The following NKAIN2 variants were observed in gnomAD, a reference collection of about 807,000 sequenced individuals.
The protein encoded by NKAIN2 is sodium/potassium transporting ATPase interacting 2.
A neutral mutation model predicts 32.6 loss-of-function variants in NKAIN2; 14 were observed. That is an observed-to-expected ratio of 0.43 (90% confidence interval 0.28 to 0.67). The LOEUF (loss-of-function observed/expected upper bound fraction) is 0.67, where lower values mean the gene tolerates loss of function less well. Ranked by LOEUF, NKAIN2 falls within the 30% of genes least tolerant of loss-of-function variation. The probability of loss-of-function intolerance (pLI) is 0.17; values close to 1 mark genes in which losing one functional copy is unlikely to be tolerated. For synonymous variants in NKAIN2, 80 were observed against 87.2 expected (o/e 0.92, Z 0.46); for missense variants, 198 against 258.3 (o/e 0.77, Z 1.60).
At position 124,271,071 on chromosome 6, in the gene NKAIN2, T is replaced by G. The variant is rs553358431; in HGVS notation, c.55-11934T>G. Among the ~76,000 whole-genome samples, 17 of 152,292 alleles carry G rather than the reference T, an allele frequency of 1.1e-4. 1 individual carries two copies. Among genetic ancestry groups the G allele is most frequent in the South Asian group, 1.0e-3 (5 of 4,826 alleles). ...GATAGTGAGTGAGTTTTCACAGATC[T>G]GATGGATTTATAAGTGGCAGTTTTT... On this transcript the variant is annotated intron_variant, in intron 1 of 6. Coordinates refer to ENST00000368417, the MANE Select transcript of NKAIN2 (RefSeq NM_001040214.3).
intron 1 of NKAIN2, among the ~76,000 whole-genome samples, chr6:124,257,800 C>T (rs2753133): frequency 0.36 from 50,539 of 140,836 alleles, 11,082 homozygotes; most frequent in African/African-American, 0.62. Context: ...TTTTTTGAGA[C>T]GGGGTTTCAC....
intron 1 of NKAIN2, among the ~76,000 whole-genome samples, chr6:123,883,658 T>A (rs201517540): frequency 4.0e-4 from 58 of 145,330 alleles, no homozygotes; most frequent in South Asian, 6.5e-4. Context: ...AAATTTTTTT[T>A]AAAATTTTAA....
chr6:124,466,512 G>T (rs931496689), intron 3 of NKAIN2, among the ~76,000 whole-genome samples: 4 of 151,948 alleles, frequency 2.6e-5, no homozygotes, highest in African/African-American at 9.7e-5. Flanking sequence ...ATGAAACTGG[G>T]ATCTCTATTA....
At chr6:124,205,355 T>G (rs1790812424) in intron 1 of NKAIN2, among the ~76,000 whole-genome samples, 1 of 87,086 alleles carries the variant, frequency 1.1e-5, no homozygotes, top group Admixed American at 1.2e-4. Flanking sequence ...TGCATTTTCT[T>G]AGGTGCTAAA....
chr6:124,508,167 A>G (rs1445699325), intron 3 of NKAIN2, among the ~76,000 whole-genome samples: 2 of 151,774 alleles, frequency 1.3e-5, no homozygotes, highest in East Asian at 3.9e-4. Context: ...TAAGGTGGGA[A>G]GATCACTTGA....
chr6:124,468,833 A>T (rs1406949394), intron 3 of NKAIN2, among the ~76,000 whole-genome samples: 1 of 152,180 alleles, frequency 6.6e-6, no homozygotes, highest in Non-Finnish European at 1.5e-5. Context: ...AACATTTTGA[A>T]CCAAACTCAA....
intron 1 of NKAIN2, among the ~76,000 whole-genome samples, chr6:124,034,626 G>A (rs1419485448): frequency 6.6e-6 from 1 of 152,022 alleles, no homozygotes; most frequent in Non-Finnish European, 1.5e-5. Context: ...TTTCCTTTGA[G>A]TAGATACCCA....
intron 3 of NKAIN2, among the ~76,000 whole-genome samples, chr6:124,389,212 T>A (rs1162380848): frequency 2.6e-5 from 4 of 152,072 alleles, no homozygotes; most frequent in African/African-American, 7.2e-5. Flanking sequence ...CACAACATTA[T>A]TGGAATGAGA....
chr6:124,301,214 G>A (rs1222076230), intron 2 of NKAIN2, among the ~76,000 whole-genome samples: 1 of 152,190 alleles, frequency 6.6e-6, no homozygotes, highest in Non-Finnish European at 1.5e-5. Flanking sequence ...GGCTTCAGAG[G>A]GTGCAAGCCC....
chr6:124,267,481 TA>T (rs71541244), intron 1 of NKAIN2, among the ~76,000 whole-genome samples: 3,543 of 97,714 alleles, frequency 0.036, 81 homozygotes, highest in South Asian at 0.089. Context: ...ACCATGTCTC[TA>T]AAAAAAAAAA....
chr6:124,791,175 T>C (rs1779727462), intron 4 of NKAIN2, among the ~76,000 whole-genome samples, 164 bp from the exon 5 acceptor site: 1 of 152,092 alleles, frequency 6.6e-6, no homozygotes, highest in Non-Finnish European at 1.5e-5. Context: ...TGAGCATCAT[T>C]TGAATGAGGA....
chr6:123,944,696 C>A (rs1447547397), intron 1 of NKAIN2, among the ~76,000 whole-genome samples: 4 of 151,994 alleles, frequency 2.6e-5, no homozygotes, highest in Non-Finnish European at 5.9e-5. Context: ...AGAAATATAT[C>A]TCTTGTTTAA....
intron 1 of NKAIN2, among the ~76,000 whole-genome samples, chr6:124,223,964 C>T (rs948165562): frequency 6.6e-6 from 1 of 152,074 alleles, no homozygotes; most frequent in Non-Finnish European, 1.5e-5. Flanking sequence ...GGTGCATGGA[C>T]AGGGTGTAGT....
intron 3 of NKAIN2, among the ~76,000 whole-genome samples, chr6:124,386,392 C>A (rs182240645): frequency 9.5e-4 from 145 of 152,278 alleles, no homozygotes; most frequent in African/African-American, 3.3e-3. Context: ...GACTGGTTCA[C>A]TGTTGCTTTG....
At chr6:124,015,427 A>G (rs967305435) in intron 1 of NKAIN2, among the ~76,000 whole-genome samples, 1 of 152,162 alleles carries the variant, frequency 6.6e-6, no homozygotes, top group African/African-American at 2.4e-5. Flanking sequence ...GGGCTTCTGA[A>G]TTTTAATTCT....
chr6:124,131,754 A>G (rs566692549), intron 1 of NKAIN2, among the ~76,000 whole-genome samples: 1 of 152,282 alleles, frequency 6.6e-6, no homozygotes, highest in East Asian at 1.9e-4. Flanking sequence ...CAGGGAAGGC[A>G]TCCCTGACTA....
chr6:124,093,574 A>G (rs1435320513), intron 1 of NKAIN2, among the ~76,000 whole-genome samples: 1 of 152,162 alleles, frequency 6.6e-6, no homozygotes, highest in Non-Finnish European at 1.5e-5. Context: ...TAGCAGGGGA[A>G]TCTCACATTC....
chr6:123,938,156 A>G (rs953805006), intron 1 of NKAIN2, among the ~76,000 whole-genome samples: 2 of 151,874 alleles, frequency 1.3e-5, no homozygotes, highest in Non-Finnish European at 2.9e-5. Flanking sequence ...AGTCTAATGC[A>G]TTGCTAAATA....
At chr6:124,388,240 A>C (rs1772995896) in intron 3 of NKAIN2, among the ~76,000 whole-genome samples, 2 of 151,784 alleles carry the variant, frequency 1.3e-5, no homozygotes, top group Admixed American at 6.6e-5. Flanking sequence ...AATTTCATTG[A>C]CTTGGACATC....
Sources: gnomAD v4.1 joint callset for allele counts (sites outside exome capture counted in the v4.1 genomes callset) on GRCh38, gnomAD v4.1.1 for gene constraint, MANE v1.5 for transcripts, NCBI Gene and HGNC (gene_info 2026-07-23, HGNC 2026-07-21) for gene names.